The following PDE4B variants were observed in gnomAD, a reference collection of about 807,000 sequenced individuals.
PDE4B encodes the protein phosphodiesterase 4B, also known as 3',5'-cyclic-AMP phosphodiesterase 4B.
A neutral mutation model predicts 82.2 loss-of-function variants in PDE4B; 20 were observed. The observed-to-expected ratio is 0.24, with a 90% CI of 0.17 to 0.35. The LOEUF is 0.35. PDE4B is among the 10% of genes least tolerant of loss of function. The pLI, the probability that PDE4B is intolerant of heterozygous loss-of-function variation, is 1.00. For missense variants in PDE4B, 655 were observed against 907.2 expected, an observed-to-expected ratio of 0.72 and a Z score of 3.57; for synonymous variants, 320 against 318.9, an observed-to-expected ratio of 1.00 and a Z score of -0.04.
intron 3 of PDE4B, among the ~76,000 whole-genome samples, chr1:66,071,030 T>A (rs1468384275): frequency 6.6e-6 from 1 of 152,062 alleles, no homozygotes; most frequent in Admixed American, 6.6e-5. Context: ...CAGAGTAAAT[T>A]ATGTTAATAA....
intron 1 of PDE4B, among the ~76,000 whole-genome samples, chr1:65,850,211 C>T (rs1466670357): frequency 6.6e-6 from 1 of 150,924 alleles, no homozygotes; most frequent in Non-Finnish European, 1.5e-5. Flanking sequence ...ATTCTCCTGC[C>T]TCAGCCTCCC....
chr1:66,202,644 GT>G (rs1035142324), intron 3 of PDE4B, among the ~76,000 whole-genome samples: 24 of 151,926 alleles, frequency 1.6e-4, no homozygotes, highest in African/African-American at 5.6e-4. Flanking sequence ...TTTAAAGTCT[GT>G]TTTATCAGAG....
At position 66,247,478 on chromosome 1, in the gene PDE4B, C is replaced by T; in HGVS notation, c.300C>T (p.Gly100=). The change falls in exon 4 of 17, where the codon GGC becomes GGT. Residue 100 remains glycine (G), a synonymous_variant. Transcript: ENST00000341517. Reference sequence around the variant, plus strand: ...CTTTAAGCTTTGATGTGGAAAATGGCCCTTCCCCAGGTCGGAGTCCACTGG... The same window carrying T: ...CTTTAAGCTTTGATGTGGAAAATGGTCCTTCCCCAGGTCGGAGTCCACTGG... The part of the protein sequence containing the change: ...VSQECFDVEN[G]PSPGRSPLDP... 6.3e-7 allele frequency: 1 copy of T among 1,577,894 alleles called. No individual in the cohort carries two copies. Among genetic ancestry groups the T allele is most frequent in the South Asian group, 1.2e-5 (1 of 85,684 alleles).
At chr1:66,130,214 TAA>T (rs1025650768) in intron 3 of PDE4B, among the ~76,000 whole-genome samples, 5 of 152,210 alleles carry the variant, frequency 3.3e-5, no homozygotes, top group African/African-American at 1.2e-4. Context: ...GGAGCCTCCT[TAA>T]AAAGTTTAGC....
intron 3 of PDE4B, among the ~76,000 whole-genome samples, chr1:66,065,205 C>G (rs759528749): frequency 4.0e-4 from 61 of 151,974 alleles, no homozygotes; most frequent in Admixed American, 4.6e-4. Flanking sequence ...TTGAAATCAA[C>G]TAGTTCTTAG....
rs900859824 is a variant in PDE4B at position 66,193,466 on chromosome 1, A to G, written c.282-53994A>G. 2.6e-5 allele frequency among the ~76,000 whole-genome samples: 4 copies of G among 152,282 alleles called. No individual in the cohort carries two copies. The East Asian group carries it at 5.8e-4, about 22-fold the overall frequency. ...GTGCTTCACTTACTTCGGAGAAGTC[A>G]CTGAAGACCAATTTCAAATTATTTT... On this transcript the variant is annotated intron_variant, in intron 3 of 16. Coordinates refer to ENST00000341517, the MANE Select transcript of PDE4B (RefSeq NM_002600.4).
At chr1:66,074,527 G>A (rs1656316699) in intron 3 of PDE4B, among the ~76,000 whole-genome samples, 1 of 151,976 alleles carries the variant, frequency 6.6e-6, no homozygotes, top group Non-Finnish European at 1.5e-5. Context: ...TACAGCTCAT[G>A]GCTTTTAGTA....
chr1:66,040,328 GC>G (rs1041407598), intron 3 of PDE4B, among the ~76,000 whole-genome samples: 4 of 151,974 alleles, frequency 2.6e-5, no homozygotes, highest in African/African-American at 7.2e-5. Flanking sequence ...AAAGTCTCTT[GC>G]AGTAATGCTC....
At chr1:66,287,728 G>A (rs1656781846) in intron 7 of PDE4B, among the ~76,000 whole-genome samples, 1 of 152,118 alleles carries the variant, frequency 6.6e-6, no homozygotes. Context: ...TGGATTTTTG[G>A]AGGCTGAGGT....
chr1:66,291,071 A>C (rs1657039937), intron 7 of PDE4B, among the ~76,000 whole-genome samples: 1 of 152,184 alleles, frequency 6.6e-6, no homozygotes. Flanking sequence ...GAAGGGATGC[A>C]AAATCTTTAC....
chr1:65,795,234 G>C (rs1327838629), intron 1 of PDE4B, among the ~76,000 whole-genome samples: 1 of 152,220 alleles, frequency 6.6e-6, no homozygotes, highest in Non-Finnish European at 1.5e-5. Context: ...AAGAGTTCTA[G>C]GTTACTCCTA....
At chr1:65,877,726 A>AAATTAACTCAAGATGGATTAAAGACTT (rs1646662659) in intron 1 of PDE4B, among the ~76,000 whole-genome samples, 1 of 151,906 alleles carries the variant, frequency 6.6e-6, no homozygotes, top group Non-Finnish European at 1.5e-5. Context: ...CCCTATACAA[A>AAATTAACTCAAGATGGATTAAAGACTT]AATTAACTCA....
At chr1:65,995,846 T>G (rs1017402336) in intron 3 of PDE4B, among the ~76,000 whole-genome samples, 2 of 152,168 alleles carry the variant, frequency 1.3e-5, no homozygotes, top group African/African-American at 4.8e-5. Context: ...ATTGTTTTGA[T>G]TCCAGCATTG....
chr1:65,838,484 C>T (rs6664699), intron 1 of PDE4B, among the ~76,000 whole-genome samples: 74,110 of 146,278 alleles, frequency 0.51, 18,820 homozygotes, highest in Middle Eastern at 0.56. Context: ...TATATATATA[C>T]GTATATGTAT....
chr1:66,001,528 G>A (rs1368281345), intron 3 of PDE4B, among the ~76,000 whole-genome samples: 1 of 152,044 alleles, frequency 6.6e-6, no homozygotes, highest in Admixed American at 6.6e-5. Context: ...TGTATTGGGT[G>A]TACTACAACT....
chr1:66,089,256 A>T (rs1644961770), intron 3 of PDE4B, among the ~76,000 whole-genome samples: 1 of 152,150 alleles, frequency 6.6e-6, no homozygotes, highest in African/African-American at 2.4e-5. Flanking sequence ...CCTTGTAAAC[A>T]ATAGCCATCC....
intron 3 of PDE4B, among the ~76,000 whole-genome samples, chr1:66,124,622 C>T (rs2101089305): frequency 6.6e-6 from 1 of 152,250 alleles, no homozygotes; most frequent in African/African-American, 2.4e-5. Context: ...TATCATCCCC[C>T]ATATTTTGCC....
intron 7 of PDE4B, among the ~76,000 whole-genome samples, chr1:66,314,089 C>T (rs988467925): frequency 3.3e-5 from 5 of 152,174 alleles, no homozygotes; most frequent in Non-Finnish European, 5.9e-5. Flanking sequence ...TCCAGTCCTC[C>T]ATATCCCATC....
intron 3 of PDE4B, among the ~76,000 whole-genome samples, chr1:65,988,911 T>A (rs1005417168): frequency 7.2e-5 from 11 of 152,146 alleles, no homozygotes; most frequent in African/African-American, 9.7e-5. Context: ...ATGTAATTAT[T>A]TTCATCCAAA....
Sources: allele counts gnomAD v4.1 joint callset (sites outside exome capture counted in the v4.1 genomes callset), GRCh38; gene constraint gnomAD v4.1.1; transcripts MANE v1.5; gene names NCBI Gene and HGNC (gene_info 2026-07-23, HGNC 2026-07-21).